The following SLIT2 variants were observed in gnomAD, a reference collection of about 807,000 sequenced individuals.
SLIT2 encodes slit guidance ligand 2.
In SLIT2, 41 loss-of-function variants were observed where a neutral mutation model predicts 185.7. The observed-to-expected ratio is 0.22, with a 90% CI of 0.17 to 0.29. The LOEUF (loss-of-function observed/expected upper bound fraction) is 0.29. Ranked by LOEUF, SLIT2 falls within the 10% of genes least tolerant of loss-of-function variation. SLIT2 has a pLI of 1.00. For missense variants in SLIT2, 1,571 were observed against 1,909.0 expected (o/e 0.82, Z 3.30); for synonymous variants, 693 against 680.2 (o/e 1.02, Z -0.29).
intron 4 of SLIT2, among the ~76,000 whole-genome samples, chr4:20,302,914 T>G (rs1231538281): frequency 2.0e-5 from 3 of 152,308 alleles, no homozygotes; most frequent in Non-Finnish European, 4.4e-5. Flanking sequence ...TGTCTTCACT[T>G]TTATGACTTC....
rs1192957960 is a variant in SLIT2 at position 20,529,205 on chromosome 4, TTTAA to T, written c.1613+112_1613+115del. The T allele has an allele frequency of 6.1e-6, 5 of 819,302 alleles. No individual in the cohort carries two copies. In the Admixed American group the frequency reaches 1.4e-4, roughly 24 times the overall value. 50.8% of individuals were successfully genotyped at this position (819,302 alleles called of 1,614,324 possible). The stretch of plus-strand genomic sequence containing the variant: ...TTTTATTATTAATAATTGCATTAAT[TTTAA>T]TTAATATGCATTACATTGGCATAAC... On this transcript the variant is annotated intron_variant, in intron 16 of 36. Coordinates refer to ENST00000504154, the MANE Select transcript of SLIT2 (RefSeq NM_004787.4).
intron 4 of SLIT2, among the ~76,000 whole-genome samples, chr4:20,350,611 G>A (rs1166951332): frequency 2.0e-5 from 3 of 152,108 alleles, no homozygotes; most frequent in Non-Finnish European, 2.9e-5. Flanking sequence ...TCATTATTAT[G>A]TAAATATTTA....
intron 33 of SLIT2, among the ~76,000 whole-genome samples, chr4:20,599,081 C>A (rs569692673): frequency 1.3e-5 from 2 of 152,266 alleles, no homozygotes; most frequent in African/African-American, 4.8e-5. Flanking sequence ...CTGTCCTGAG[C>A]TTTAAGGAAC....
chr4:20,336,656 T>C (rs1458544780), intron 4 of SLIT2, among the ~76,000 whole-genome samples: 1 of 151,876 alleles, frequency 6.6e-6, no homozygotes, highest in Non-Finnish European at 1.5e-5. Context: ...GTTGTGCACA[T>C]CTACCCTAGA....
At chr4:20,513,799 G>T (rs1216297092) in intron 11 of SLIT2, among the ~76,000 whole-genome samples, 1 of 152,118 alleles carries the variant, frequency 6.6e-6, no homozygotes, top group Non-Finnish European at 1.5e-5. Context: ...TTGAGCTATG[G>T]GAGTGAACTG....
At chr4:20,374,258 A>G (rs556277915) in intron 4 of SLIT2, among the ~76,000 whole-genome samples, 1 of 152,264 alleles carries the variant, frequency 6.6e-6, no homozygotes, top group African/African-American at 2.4e-5. Context: ...GGATTGCTAT[A>G]TCAAAGTACT....
intron 4 of SLIT2, among the ~76,000 whole-genome samples, chr4:20,435,805 G>T (rs1039802897): frequency 5.3e-5 from 8 of 152,154 alleles, no homozygotes; most frequent in African/African-American, 9.7e-5. Context: ...TGCCTAGAAG[G>T]TCAGGCTAAA....
At chr4:20,256,218 C>G (rs1711808146) in intron 1 of SLIT2, among the ~76,000 whole-genome samples, 1 of 151,948 alleles carries the variant, frequency 6.6e-6, no homozygotes, top group Non-Finnish European at 1.5e-5. Context: ...GTTTCGCCAC[C>G]ATGCTACCTA....
At chr4:20,521,569 C>G (rs2148845747) in intron 12 of SLIT2, among the ~76,000 whole-genome samples, 1 of 152,260 alleles carries the variant, frequency 6.6e-6, no homozygotes, top group East Asian at 1.9e-4. Context: ...CTGCTTCACT[C>G]AATTAGATTA....
intron 9 of SLIT2, among the ~76,000 whole-genome samples, chr4:20,495,470 A>G (rs1434730405): frequency 1.3e-5 from 2 of 152,202 alleles, no homozygotes; most frequent in African/African-American, 4.8e-5. Context: ...GAGACATAAC[A>G]TATTCATATA....
chr4:20,470,008 G>C (rs927794644), intron 5 of SLIT2, among the ~76,000 whole-genome samples: 2 of 152,000 alleles, frequency 1.3e-5, no homozygotes, highest in African/African-American at 4.8e-5. Flanking sequence ...ACCCTCCTCA[G>C]CCTCCCAAAG....
chr4:20,320,011 A>G (rs1718925571), intron 4 of SLIT2, among the ~76,000 whole-genome samples: 1 of 152,108 alleles, frequency 6.6e-6, no homozygotes, highest in African/African-American at 2.4e-5. Context: ...TGATCAAAGG[A>G]TCTTTTCACA....
chr4:20,525,086 C>A (rs374841698), intron 14 of SLIT2, 63 bp from the exon 15 acceptor site: 68 of 1,199,434 alleles, frequency 5.7e-5, no homozygotes, highest in Non-Finnish European at 7.8e-5. Flanking sequence ...TCTAATATAA[C>A]TCATATCTCT....
intron 4 of SLIT2, among the ~76,000 whole-genome samples, chr4:20,402,422 C>A (rs1259717428): frequency 6.6e-6 from 1 of 151,850 alleles, no homozygotes; most frequent in Non-Finnish European, 1.5e-5. Context: ...CAGATGAATT[C>A]ATCGCTTATT....
intron 4 of SLIT2, among the ~76,000 whole-genome samples, chr4:20,423,137 C>G (rs1728290419): frequency 6.6e-6 from 1 of 151,934 alleles, no homozygotes; most frequent in African/African-American, 2.4e-5. Context: ...ATATACTAGA[C>G]CCAAATTTTT....
intron 4 of SLIT2, among the ~76,000 whole-genome samples, chr4:20,422,702 A>G (rs1728255673): frequency 1.3e-5 from 2 of 152,094 alleles, no homozygotes; most frequent in Admixed American, 6.5e-5. Context: ...CCTGAATGAG[A>G]TGGAGCCAGA....
At position 20,541,522 on chromosome 4, in the gene SLIT2, G is replaced by A; in HGVS notation, c.2046G>A (p.Lys682=). 6.2e-7 allele frequency: 1 copy of A among 1,614,004 alleles called. No homozygotes were observed. The highest frequency in any genetic ancestry group is 8.5e-7 in the Non-Finnish European group (1 of 1,179,924). Reference sequence around the variant, plus strand: ...GGTTGGGAGAGTGGCTGAGAAAGAAGAGAATTGTCACGGGAAATCCTAGAT... The same window carrying A: ...GGTTGGGAGAGTGGCTGAGAAAGAAAAGAATTGTCACGGGAAATCCTAGAT... ...LAWLGEWLRK[K]RIVTGNPRCQ... The change falls in exon 20 of 37, where the codon AAG becomes AAA. Residue 682 remains lysine, a synonymous_variant. Coordinates refer to ENST00000504154, the MANE Select transcript of SLIT2 (RefSeq NM_004787.4).
At chr4:20,389,533 GTT>G (rs540349382) in intron 4 of SLIT2, among the ~76,000 whole-genome samples, 2 of 120,404 alleles carry the variant, frequency 1.7e-5, no homozygotes, top group African/African-American at 3.1e-5. Context: ...GTTGTTATGT[GTT>G]TTTTTTTTTA....
At chr4:20,362,261 G>C (rs1722798157) in intron 4 of SLIT2, among the ~76,000 whole-genome samples, 1 of 152,048 alleles carries the variant, frequency 6.6e-6, no homozygotes, top group South Asian at 2.1e-4. Flanking sequence ...CTTTTGGTTG[G>C]GGCTTGGAGT....
Sources: gnomAD v4.1 joint callset for allele counts (sites outside exome capture counted in the v4.1 genomes callset) on GRCh38, gnomAD v4.1.1 for gene constraint, MANE v1.5 for transcripts, NCBI Gene and HGNC (gene_info 2026-07-23, HGNC 2026-07-21) for gene names.